The following KIF1C variants were observed in gnomAD, a reference collection of about 807,000 sequenced individuals.
KIF1C encodes kinesin family member 1C, also known as kinesin-like protein KIF1C.
In KIF1C, 61 loss-of-function variants were observed where a neutral mutation model predicts 126.5. The observed-to-expected ratio is 0.48, with a 90% confidence interval of 0.39 to 0.60. The LOEUF (loss-of-function observed/expected upper bound fraction) is 0.60, where lower values mean the gene tolerates loss of function less well. KIF1C is among the 20% of genes least tolerant of loss of function. KIF1C has a pLI of 0.00. For synonymous variants in KIF1C, 640 were observed against 580.6 expected (o/e 1.10, Z -1.47); for missense variants, 1,315 against 1,489.2 (o/e 0.88, Z 1.93).
In KIF1C at chr17:5,026,991, A is replaced by G. The variant is rs1364980465; in HGVS notation, c.*2840A>G. ...ACTTTACTTAGATTTTATTCAGAGT[A>G]GTGCCTGTTTATTTTTCATCTGTGC... On this transcript the variant is annotated 3_prime_UTR_variant, in exon 23 of 23. Coordinates refer to ENST00000320785, the MANE Select transcript of KIF1C (RefSeq NM_006612.6). The G allele has an allele frequency of 6.6e-6, 1 of 152,206 alleles. No individual in the cohort carries two copies. Among genetic ancestry groups the G allele is most frequent in the East Asian group, 1.9e-4 (1 of 5,204 alleles). 9.4% of individuals were successfully genotyped at this position (152,206 alleles called of 1,614,324 possible).
Position 5,000,754 on chromosome 17 carries a change from C to A in KIF1C, c.107-18C>A. Reference sequence around the variant, plus strand: ...CCTGACCTTGACTTTCCTTCCTTTACCCTCTCCTGCCCCTCAGCCATCATC... The same window carrying A: ...CCTGACCTTGACTTTCCTTCCTTTAACCTCTCCTGCCCCTCAGCCATCATC... On this transcript the variant is annotated intron_variant, in intron 3 of 22. Transcript: ENST00000320785. 2 of 1,613,078 alleles carry A rather than the reference C, an allele frequency of 1.2e-6. No homozygotes were observed. The highest frequency in any genetic ancestry group is 1.1e-5 in the South Asian group (1 of 91,064).
rs116288647 is a variant in KIF1C, at chr17:5,003,792, G to A, written c.799-59G>A. On this transcript the variant is annotated intron_variant, in intron 9 of 22. Coordinates refer to ENST00000320785, the MANE Select transcript of KIF1C (RefSeq NM_006612.6). ...GACTCTCACTGGGGAGGTAGGAAGC[G>A]GAAGTGGATCACATTGGGAGAAGAG... 1,117 of 1,571,130 alleles carry A rather than the reference G, an allele frequency of 7.1e-4. 9 individuals are homozygous for A. In the African/African-American group the frequency reaches 0.014, roughly 19 times the overall value.
chr17:5,021,856 G>A (rs764999264), intron 21 of KIF1C, among the ~76,000 whole-genome samples: 2 of 151,866 alleles, frequency 1.3e-5, no homozygotes, highest in Non-Finnish European at 2.9e-5. Context: ...TCTCGGTGCC[G>A]GCCATGGTTC....
At position 5,000,307 on chromosome 17, in the gene KIF1C, A is replaced by C; in HGVS notation, c.61A>C (p.Ser21Arg). The part of the protein sequence containing the change: ...RVRPFNARET[S>R]QDAKCVVSMQ... ...TCGGCCCTTTAACGCCCGTGAGACC[A>C]GCCAGGATGCCAAGTGTGTGGTCAG... The change falls in exon 3 of 23, where the codon AGC becomes CGC. Residue 21 changes from serine to arginine, a missense_variant. Coordinates refer to ENST00000320785, the MANE Select transcript of KIF1C (RefSeq NM_006612.6). The C allele has an allele frequency of 3.1e-6, 5 of 1,594,580 alleles. No individual in the cohort carries two copies. Among genetic ancestry groups the C allele is most frequent in the Non-Finnish European group, 4.3e-6 (5 of 1,171,770 alleles).
chr17:5,002,870 C>T (rs1555569700), intron 8 of KIF1C, 28 bp downstream of exon 8: 10 of 1,554,712 alleles, frequency 6.4e-6, no homozygotes, highest in Non-Finnish European at 8.8e-6. Flanking sequence ...CCCACTCCCC[C>T]ACCGGATGCA....
chr17:5,001,477 C>A, intron 5 of KIF1C, 76 bp downstream of exon 5: 4 of 1,414,518 alleles, frequency 2.8e-6, no homozygotes, highest in South Asian at 2.5e-5. Context: ...GGACTAGGGT[C>A]GGAGGATTAT....
intron 3 of KIF1C, 143 bp from the exon 4 acceptor site, chr17:5,000,629 G>T: frequency 2.5e-6 from 2 of 799,648 alleles, no homozygotes; most frequent in Non-Finnish European, 4.1e-6. Flanking sequence ...GCTGGAGGGG[G>T]TGGGGAATGT....
chr17:5,017,334 C>G (rs1398047737), intron 18 of KIF1C, among the ~76,000 whole-genome samples: 2 of 127,782 alleles, frequency 1.6e-5, no homozygotes, highest in Non-Finnish European at 3.1e-5. Flanking sequence ...GAGTCTCGCT[C>G]TGTCGCCCAG....
In KIF1C at chr17:5,027,261, T is replaced by C. The variant is rs1056792569; in HGVS notation, c.*3110T>C. 8.5e-5 allele frequency: 13 copies of C among 152,234 alleles called. No individual in the cohort carries two copies. Among genetic ancestry groups the C allele is most frequent in the Admixed American group, 7.9e-4 (12 of 15,272 alleles). The allele number at this position is 152,234 out of a possible 1,614,324, so 9.4% of individuals were successfully genotyped here. On this transcript the variant is annotated 3_prime_UTR_variant, in exon 23 of 23. Transcript: ENST00000320785. ...CTCCTGCCTCAGCCTCCTGAGTAGC[T>C]AGGATTACAGGCGCCCACAACCGCA...
chr17:5,001,996 G>C, intron 5 of KIF1C, 63 bp from the exon 6 acceptor site: 1 of 1,482,274 alleles, frequency 6.7e-7, no homozygotes. Context: ...CTGGCCTGTG[G>C]CTGGACACTT....
intron 18 of KIF1C, among the ~76,000 whole-genome samples, chr17:5,016,799 A>C (rs1974980788): frequency 6.6e-6 from 1 of 151,288 alleles, no homozygotes; most frequent in South Asian, 2.1e-4. Flanking sequence ...CCAGCTACTT[A>C]GGAGGCTGAG....
In KIF1C at chr17:5,013,715, C is replaced by T. The variant is rs201359025; in HGVS notation, c.1554C>T (p.Ile518=). ...PLMSECLLYH[I]KDGVTRVGQV... The stretch of plus-strand genomic sequence containing the variant: ...TGTCTGAGTGTCTGCTCTACCACAT[C>T]AAAGATGGCGTCACCAGGTAGCGTG... Residue 518 remains isoleucine, a synonymous_variant, in exon 17 of 23, where the codon ATC becomes ATT. Coordinates refer to ENST00000320785, the MANE Select transcript of KIF1C (RefSeq NM_006612.6). 2 of 1,613,774 alleles carry T rather than the reference C, an allele frequency of 1.2e-6. No individual in the cohort carries two copies. Among genetic ancestry groups the T allele is most frequent in the African/African-American group, 1.3e-5 (1 of 75,036 alleles).
Position 5,025,358 on chromosome 17 carries a change from T to C in KIF1C, c.*1207T>C, listed in dbSNP as rs1975192004. On this transcript the variant is annotated 3_prime_UTR_variant, in exon 23 of 23. Transcript: ENST00000320785. ...TGTGGGGTACAGAGGAGTTCTGCTT[T>C]AAGTCACCTAACTTACTTGAAAGGT... 6.6e-6 allele frequency: 1 copy of C among 152,260 alleles called. No homozygotes were observed. The allele number at this position is 152,260 out of a possible 1,614,324, so 9.4% of individuals were successfully genotyped here. A position where few individuals can be genotyped will look rare whatever the true frequency, so the allele number is the denominator to read the frequency against.
At chr17:5,018,926 T>C (rs2077148569) in intron 18 of KIF1C, among the ~76,000 whole-genome samples, 1 of 152,054 alleles carries the variant, frequency 6.6e-6, no homozygotes, top group Non-Finnish European at 1.5e-5. Context: ...TGTGGCATGA[T>C]GGGAAATGAA....
intron 17 of KIF1C, among the ~76,000 whole-genome samples, 173 bp downstream of exon 17, chr17:5,013,905 C>G (rs565226061): frequency 1.3e-5 from 2 of 152,132 alleles, no homozygotes; most frequent in African/African-American, 4.8e-5. Flanking sequence ...AGCGTGCCTG[C>G]TCAGTGGCTG....
rs1174446415 is a variant in KIF1C, at chr17:5,024,201, G to A, written c.*50G>A. ...TGGTGGGGCCCCTTGCTAGGAGAAG[G>A]GAAGACGCCCGAGACGCTGCTTCCC... On this transcript the variant is annotated 3_prime_UTR_variant, in exon 23 of 23. Transcript: ENST00000320785. 2 of 1,350,150 alleles carry A rather than the reference G, an allele frequency of 1.5e-6. No individual in the cohort carries two copies. The highest frequency in any genetic ancestry group is 2.1e-6 in the Non-Finnish European group (2 of 972,590). The allele number at this position is 1,350,150 out of a possible 1,614,324, so 83.6% of individuals were successfully genotyped here.
intron 3 of KIF1C, 114 bp from the exon 4 acceptor site, chr17:5,000,658 C>A: frequency 1.0e-6 from 1 of 979,692 alleles, no homozygotes; most frequent in South Asian, 1.4e-5. Context: ...AGAGAAGAGT[C>A]AGGACAGTGG....
At chr17:5,003,355 G>C (rs1047907071) in intron 8 of KIF1C, among the ~76,000 whole-genome samples, 1 of 152,118 alleles carries the variant, frequency 6.6e-6, no homozygotes, top group African/African-American at 2.4e-5. Context: ...CTGTTCTTAC[G>C]AGACCCAGGA....
intron 18 of KIF1C, among the ~76,000 whole-genome samples, chr17:5,015,582 CTT>C (rs58961639): frequency 1.1e-4 from 8 of 71,238 alleles, no homozygotes; most frequent in African/African-American, 3.5e-4. Context: ...CTGCCCCCAG[CTT>C]TTTTTTTTTT....
Sources: allele counts gnomAD v4.1 joint callset (sites outside exome capture counted in the v4.1 genomes callset), GRCh38; gene constraint gnomAD v4.1.1; transcripts MANE v1.5; gene names NCBI Gene and HGNC (gene_info 2026-07-23, HGNC 2026-07-21).